Variants in PCED1B observed in about 807,000 individuals in gnomAD.
The protein encoded by PCED1B is PC-esterase domain containing 1B.
For missense variants in PCED1B, 573 were observed against 573.9 expected, an observed-to-expected ratio of 1.00 and a Z score of 0.02; for synonymous variants, 251 against 246.1, an observed-to-expected ratio of 1.02 and a Z score of -0.19.
chr12:47,171,676 T>A (rs1214737953), intron 2 of PCED1B, among the ~76,000 whole-genome samples: 1 of 152,218 alleles, frequency 6.6e-6, no homozygotes, highest in Non-Finnish European at 1.5e-5. Flanking sequence ...AAAAGAAAGA[T>A]AATATCTTGC....
intron 2 of PCED1B, among the ~76,000 whole-genome samples, chr12:47,173,993 G>A (rs1941837499): frequency 2.6e-5 from 4 of 152,212 alleles, no homozygotes; most frequent in Admixed American, 2.0e-4. Context: ...TAAATGTTAG[G>A]GAGGGGCCAG....
intron 2 of PCED1B, among the ~76,000 whole-genome samples, chr12:47,177,066 T>C (rs545457400): frequency 4.6e-5 from 7 of 152,262 alleles, no homozygotes; most frequent in Admixed American, 2.6e-4. Context: ...CAGTCCCATA[T>C]GAAGCACCAG....
rs185889470 is a variant in PCED1B, at chr12:47,170,335, C to T, written c.-525-45887C>T. On this transcript the variant is annotated intron_variant, in intron 2 of 3. Transcript: ENST00000546455. The stretch of plus-strand genomic sequence containing the variant: ...AGTAACAATCTGATCTCTCTTTTCC[C>T]CACATTTCCCCCTTTGCTATTCGGC... Among the ~76,000 whole-genome samples, 907 of 152,336 alleles carry T rather than the reference C, an allele frequency of 6.0e-3. 7 individuals carry two copies. Among genetic ancestry groups the T allele is most frequent in the Admixed American group, 0.01 (154 of 15,310 alleles).
intron 2 of PCED1B, among the ~76,000 whole-genome samples, chr12:47,163,784 T>A (rs1019821838): frequency 2.0e-5 from 3 of 152,136 alleles, no homozygotes; most frequent in Non-Finnish European, 4.4e-5. Flanking sequence ...ATTATGTAGG[T>A]TGTGAGGTTC....
At chr12:47,220,441 G>A (rs959495385) in intron 3 of PCED1B, among the ~76,000 whole-genome samples, 28 of 152,018 alleles carry the variant, frequency 1.8e-4, no homozygotes, top group African/African-American at 6.5e-4. Flanking sequence ...CAAAGTGCTG[G>A]GATTACAGGC....
chr12:47,105,668 G>T (rs1266932913), intron 2 of PCED1B, among the ~76,000 whole-genome samples: 1 of 152,152 alleles, frequency 6.6e-6, no homozygotes, highest in Non-Finnish European at 1.5e-5. Context: ...TTTTGTCATT[G>T]CTTTACCCAA....
intron 1 of PCED1B, among the ~76,000 whole-genome samples, chr12:47,081,051 G>A (rs1937690240): frequency 6.6e-6 from 1 of 152,236 alleles, no homozygotes; most frequent in Non-Finnish European, 1.5e-5. Flanking sequence ...AGACTATGAG[G>A]CTGATGAGCT....
rs909244637 is a variant in PCED1B, at chr12:47,204,702, G to A, written c.-525-11520G>A. On this transcript the variant is annotated intron_variant, in intron 2 of 3. Transcript: ENST00000546455. ...AATCCTCCACTGCCTACAGACCAGG[G>A]GAGGCAGGTCATGCATCTAAAAGTC... 1.3e-5 allele frequency among the ~76,000 whole-genome samples: 2 copies of A among 152,080 alleles called. 1 individual carries two copies. Among genetic ancestry groups the A allele is most frequent in the Non-Finnish European group, 2.9e-5 (2 of 68,018 alleles).
At chr12:47,232,647 G>A (rs200791349) in intron 3 of PCED1B, among the ~76,000 whole-genome samples, 37,560 of 151,928 alleles carry the variant, frequency 0.25, 5,288 homozygotes, top group East Asian at 0.41. Context: ...CAGTATTTTA[G>A]TGTTTCTACT....
chr12:47,111,180 G>T (rs1251544605), intron 2 of PCED1B, among the ~76,000 whole-genome samples: 1 of 152,066 alleles, frequency 6.6e-6, no homozygotes, highest in African/African-American at 2.4e-5. Flanking sequence ...AGGACATAAA[G>T]ATCACAAAGC....
intron 2 of PCED1B, among the ~76,000 whole-genome samples, chr12:47,129,640 T>C (rs894870290): frequency 6.6e-6 from 1 of 151,804 alleles, no homozygotes. Context: ...CCCCCTTGGG[T>C]GGGATTCTCA....
At chr12:47,230,154 G>C (rs565236023) in intron 3 of PCED1B, among the ~76,000 whole-genome samples, 178 of 140,194 alleles carry the variant, frequency 1.3e-3, no homozygotes, top group East Asian at 7.6e-3. Context: ...GCAGGATCTC[G>C]GCTCACTACA....
chr12:47,146,706 C>T (rs942136419), intron 2 of PCED1B, among the ~76,000 whole-genome samples: 1 of 152,122 alleles, frequency 6.6e-6, no homozygotes, highest in African/African-American at 2.4e-5. Flanking sequence ...TGATATTGCA[C>T]ACTTAATAAA....
intron 2 of PCED1B, among the ~76,000 whole-genome samples, chr12:47,151,469 A>C (rs1360304615): frequency 6.6e-6 from 1 of 152,170 alleles, no homozygotes; most frequent in African/African-American, 2.4e-5. Context: ...AAATCACCTA[A>C]TGACACATTT....
At chr12:47,189,193 G>C (rs832732) in intron 2 of PCED1B, among the ~76,000 whole-genome samples, 1 of 152,102 alleles carries the variant, frequency 6.6e-6, no homozygotes, top group Non-Finnish European at 1.5e-5. Flanking sequence ...CTGAGAAGTT[G>C]TCTAAGCAGA....
chr12:47,177,689 C>T (rs1941967915), intron 2 of PCED1B, among the ~76,000 whole-genome samples: 3 of 152,166 alleles, frequency 2.0e-5, no homozygotes, highest in Admixed American at 2.0e-4. Flanking sequence ...TGCAGTAGCT[C>T]ATGCCTATAA....
intron 2 of PCED1B, among the ~76,000 whole-genome samples, chr12:47,118,435 TA>T (rs1753639387): frequency 6.6e-6 from 1 of 152,240 alleles, no homozygotes; most frequent in Admixed American, 6.5e-5. Context: ...CAGCACCATT[TA>T]TTAAATAAGG....
intron 2 of PCED1B, among the ~76,000 whole-genome samples, chr12:47,145,169 A>C (rs1029373570): frequency 3.3e-5 from 5 of 152,230 alleles, no homozygotes; most frequent in Non-Finnish European, 7.3e-5. Context: ...GATCAAACCA[A>C]CCACAGCATT....
intron 2 of PCED1B, among the ~76,000 whole-genome samples, chr12:47,135,087 T>G (rs2137376312): frequency 6.6e-6 from 1 of 152,260 alleles, no homozygotes; most frequent in South Asian, 2.1e-4. Context: ...CAATCTCTAC[T>G]GATAGGAATT....
Sources: allele counts gnomAD v4.1 joint callset (sites outside exome capture counted in the v4.1 genomes callset), GRCh38; gene constraint gnomAD v4.1.1; transcripts MANE v1.5; gene names NCBI Gene and HGNC (gene_info 2026-07-23, HGNC 2026-07-21).